GMPR: variants seen among roughly 807,000 people sequenced by gnomAD.
GMPR encodes the protein guanosine monophosphate reductase.
GMPR carries 31 observed loss-of-function variants against 38.4 expected under a neutral mutation model. That is an observed-to-expected ratio of 0.81 (90% CI 0.61 to 1.09). The LOEUF is 1.09. Among genes scored for constraint, GMPR ranks in the 50% least tolerant of loss-of-function variants. The pLI, the probability that GMPR is intolerant of heterozygous loss-of-function variation, is 0.00. For synonymous variants in GMPR, 162 were observed against 173.3 expected (o/e 0.93, Z 0.51); for missense variants, 468 against 453.7 (o/e 1.03, Z -0.29).
intron 1 of GMPR, among the ~76,000 whole-genome samples, chr6:16,242,724 C>T (rs548554102): frequency 3.3e-5 from 5 of 152,166 alleles, no homozygotes; most frequent in South Asian, 2.1e-4. Context: ...CCGCAACCTC[C>T]GCCTCCCAGG....
At chr6:16,275,380 C>T (rs867981229) in intron 5 of GMPR, among the ~76,000 whole-genome samples, 8 of 152,134 alleles carry the variant, frequency 5.3e-5, no homozygotes, top group African/African-American at 7.2e-5. Context: ...GCGCAGGAGA[C>T]GCTGTTGAGC....
intron 4 of GMPR, among the ~76,000 whole-genome samples, chr6:16,267,623 G>T (rs1397218608): frequency 3.3e-5 from 5 of 152,094 alleles, no homozygotes; most frequent in African/African-American, 4.8e-5. Flanking sequence ...TTTAAGAATT[G>T]TAACACTCAC....
At chr6:16,269,051 C>T (rs926094747) in intron 4 of GMPR, among the ~76,000 whole-genome samples, 3 of 150,138 alleles carry the variant, frequency 2.0e-5, no homozygotes, top group Non-Finnish European at 1.5e-5. Flanking sequence ...AAATTTACAC[C>T]TAGTAAATTT....
At chr6:16,283,422 A>G (rs189414183) in intron 6 of GMPR, among the ~76,000 whole-genome samples, 90 of 152,336 alleles carry the variant, frequency 5.9e-4, no homozygotes, top group African/African-American at 2.1e-3. Flanking sequence ...AAATATAAAC[A>G]GTAGCAGGAA....
rs1319011601 is a variant in GMPR, at chr6:16,242,031, A to G, written c.87+3251A>G. Among the ~76,000 whole-genome samples the G allele has an allele frequency of 2.6e-5, 4 of 152,236 alleles. No homozygotes were observed. In the East Asian group the frequency reaches 7.7e-4, roughly 29 times the overall value. On this transcript the variant is annotated intron_variant, in intron 1 of 8. Transcript: ENST00000259727. ...CGGGATTACAGGTGTGAGCCACTGCACCCAGCTGATAAGAATTAAAACAAA... is the reference window on the plus strand; with the variant it reads ...CGGGATTACAGGTGTGAGCCACTGCGCCCAGCTGATAAGAATTAAAACAAA...
Position 16,238,654 on chromosome 6 carries a change from C to G in GMPR, c.-40C>G. ...GCGCCGCCCCGCGCAGGCGCCCCCGCCCCGCCGTCGCCGCCGCCGCAGCCA... is the reference window on the plus strand; with the variant it reads ...GCGCCGCCCCGCGCAGGCGCCCCCGGCCCGCCGTCGCCGCCGCCGCAGCCA... On this transcript the variant is annotated 5_prime_UTR_variant, in exon 1 of 9. Transcript: ENST00000259727. 1 of 1,056,286 alleles carries G rather than the reference C, an allele frequency of 9.5e-7. No individual in the cohort carries two copies. Among genetic ancestry groups the G allele is most frequent in the Non-Finnish European group, 1.2e-6 (1 of 816,684 alleles). 65.4% of individuals were successfully genotyped at this position (1,056,286 alleles called of 1,614,324 possible). A position where few individuals can be genotyped will look rare whatever the true frequency, so the allele number is the denominator to read the frequency against.
chr6:16,262,654 T>G (rs1759108648), intron 4 of GMPR: 1 of 151,984 alleles, frequency 6.6e-6, no homozygotes, highest in Non-Finnish European at 1.5e-5. Flanking sequence ...TGGAATTTAA[T>G]TTTTGGAGTT....
intron 3 of GMPR, among the ~76,000 whole-genome samples, chr6:16,252,587 A>T (rs1313891291): frequency 1.3e-5 from 2 of 152,178 alleles, no homozygotes; most frequent in Non-Finnish European, 2.9e-5. Context: ...GTTAACTGGA[A>T]CTGTGGCTTT....
At chr6:16,277,081 C>T (rs529229023) in intron 5 of GMPR, among the ~76,000 whole-genome samples, 11 of 152,122 alleles carry the variant, frequency 7.2e-5, no homozygotes, top group Middle Eastern at 3.2e-3. Flanking sequence ...GAGGCTGAAC[C>T]GGGGGTTAAA....
At chr6:16,257,850 C>A (rs907275006) in intron 4 of GMPR, 2 of 152,250 alleles carry the variant, frequency 1.3e-5, no homozygotes, top group African/African-American at 4.8e-5. Context: ...CTAATCACCT[C>A]CCAAAGGCCC....
intron 7 of GMPR, among the ~76,000 whole-genome samples, chr6:16,286,806 C>T (rs956834364): frequency 6.6e-6 from 1 of 151,654 alleles, no homozygotes; most frequent in Non-Finnish European, 1.5e-5. Context: ...CTCAGGAGGC[C>T]AAGGTGGGAG....
rs537145879 is a variant in GMPR, at chr6:16,274,243, A to T, written c.466-172A>T. On this transcript the variant is annotated intron_variant, in intron 4 of 8. Transcript: ENST00000259727. ...TCTTCTCATGCCAACAGCTCACCCAAGGGGCCTTTCCCAAAAGTGGTCTCC... is the reference window on the plus strand; with the variant it reads ...TCTTCTCATGCCAACAGCTCACCCATGGGGCCTTTCCCAAAAGTGGTCTCC... 1.1e-4 allele frequency among the ~76,000 whole-genome samples: 16 copies of T among 152,310 alleles called. No individual in the cohort carries two copies. In the Middle Eastern group the frequency reaches 0.01, roughly 97 times the overall value.
chr6:16,277,976 A>AG (rs1292939997), intron 5 of GMPR, among the ~76,000 whole-genome samples: 1 of 151,756 alleles, frequency 6.6e-6, no homozygotes, highest in Non-Finnish European at 1.5e-5. Context: ...GAATAAGGGG[A>AG]GGTATGATAA....
At chr6:16,246,377 C>T (rs1428722346) in intron 1 of GMPR, among the ~76,000 whole-genome samples, 4 of 152,056 alleles carry the variant, frequency 2.6e-5, no homozygotes, top group East Asian at 1.9e-4. Context: ...TTAAAGCAGC[C>T]GTGGAGGGTA....
rs1300359724 is a variant in GMPR, at chr6:16,238,762, C to A, written c.69C>A (p.Ser23Arg). ...KDVLLRPKRS[S>R]LKSRAEVDLE... ...TCCTGCTCCGACCTAAGCGGAGCAG[C>A]CTCAAGAGCCGAGCCGAGGTGGGGG... The change falls in exon 1 of 9, where the codon AGC becomes AGA. Residue 23 changes from serine (S) to arginine (R), a missense_variant. Coordinates refer to ENST00000259727, the MANE Select transcript of GMPR (RefSeq NM_006877.4). 6.2e-6 allele frequency: 9 copies of A among 1,462,112 alleles called. No homozygotes were observed. Among genetic ancestry groups the A allele is most frequent in the Non-Finnish European group, 8.2e-6 (9 of 1,091,888 alleles). The allele number at this position is 1,462,112 out of a possible 1,614,324, so 90.6% of individuals were successfully genotyped here.
chr6:16,264,657 G>C (rs1382954648), intron 4 of GMPR: 2 of 152,158 alleles, frequency 1.3e-5, no homozygotes, highest in African/African-American at 4.8e-5. Flanking sequence ...CAAAGGGGGG[G>C]TTGTTCTCTG....
intron 5 of GMPR, among the ~76,000 whole-genome samples, chr6:16,277,785 G>C (rs1368082254): frequency 6.6e-6 from 1 of 152,114 alleles, no homozygotes; most frequent in Non-Finnish European, 1.5e-5. Flanking sequence ...AGATGAGAAG[G>C]GTTTGGCTAG....
intron 4 of GMPR, chr6:16,259,099 T>A (rs1759032078): frequency 6.6e-6 from 1 of 151,800 alleles, no homozygotes; most frequent in South Asian, 2.1e-4. Flanking sequence ...GCGGGCTGAG[T>A]CCGAAAAGAG....
At chr6:16,286,003 G>A (rs563253259) in intron 7 of GMPR, among the ~76,000 whole-genome samples, 168 bp downstream of exon 7, 17 of 152,254 alleles carry the variant, frequency 1.1e-4, no homozygotes, top group African/African-American at 3.6e-4. Flanking sequence ...ATCCTGGACC[G>A]TGGCAGAGCA....
Sources: gnomAD v4.1 joint callset for allele counts (sites outside exome capture counted in the v4.1 genomes callset) on GRCh38, gnomAD v4.1.1 for gene constraint, MANE v1.5 for transcripts, NCBI Gene and HGNC (gene_info 2026-07-23, HGNC 2026-07-21) for gene names.